Variants in ZNF521 observed in about 807,000 individuals in gnomAD.
ZNF521 encodes zinc finger protein 521.
A neutral mutation model predicts 105.5 loss-of-function variants in ZNF521; 14 were observed. The ratio of observed to expected loss-of-function variants is 0.13; its 90% CI spans 0.09 to 0.21. The LOEUF (loss-of-function observed/expected upper bound fraction) is 0.21. Among genes scored for constraint, ZNF521 ranks in the 10% least tolerant of loss-of-function variants. ZNF521 has a pLI of 1.00. For synonymous variants in ZNF521, 635 were observed against 606.0 expected (o/e 1.05, Z -0.70); for missense variants, 1,233 against 1,629.7 (o/e 0.76, Z 4.19).
At chr18:25,161,259 G>A (rs2144523347) in intron 5 of ZNF521, among the ~76,000 whole-genome samples, 1 of 152,142 alleles carries the variant, frequency 6.6e-6, no homozygotes. Context: ...ACGGTGGTTG[G>A]GGGAAGTTTT....
Position 25,224,978 on chromosome 18 carries a change from C to T in ZNF521, c.2940G>A (p.Thr980=), listed in dbSNP as rs187705938. The stretch of plus-strand genomic sequence containing the variant: ...TTCCAGTATCAAGACTCTTACTATG[C>T]GTGACTTTGTGTTCAGTAAGAGTTA... The part of the protein sequence containing the change: ...SLLTLTEHKV[T]HSKSLDTGNC... Residue 980 remains threonine (T), a synonymous_variant, in exon 4 of 8, where the codon ACG becomes ACA. Coordinates refer to ENST00000361524, the MANE Select transcript of ZNF521 (RefSeq NM_015461.3). 8.8e-4 allele frequency: 1,417 copies of T among 1,614,016 alleles called. 8 individuals carry two copies. Among genetic ancestry groups the T allele is most frequent in the East Asian group, 4.9e-4 (22 of 44,868 alleles).
At chr18:25,189,984 G>A (rs1045422471) in intron 5 of ZNF521, among the ~76,000 whole-genome samples, 1 of 152,182 alleles carries the variant, frequency 6.6e-6, no homozygotes. Flanking sequence ...GCTGAGGAGA[G>A]ATGACCTGGC....
chr18:25,234,522 CTTTT>C (rs1017038281), intron 3 of ZNF521, among the ~76,000 whole-genome samples: 1 of 151,412 alleles, frequency 6.6e-6, no homozygotes, highest in South Asian at 2.1e-4. Context: ...TTAGAAACTA[CTTTT>C]TTTTTGAAGT....
chr18:25,085,530 T>C (rs1381906784), intron 7 of ZNF521, among the ~76,000 whole-genome samples: 1 of 152,006 alleles, frequency 6.6e-6, no homozygotes, highest in Non-Finnish European at 1.5e-5. Context: ...ACATTCTGAC[T>C]GGCTTTGTAG....
Position 25,352,100 on chromosome 18 carries a change from G to C in ZNF521, c.-97C>G, listed in dbSNP as rs758778969. 1 of 483,282 alleles carries C rather than the reference G, an allele frequency of 2.1e-6. No individual in the cohort carries two copies. The highest frequency in any genetic ancestry group is 4.2e-6 in the Non-Finnish European group (1 of 239,790). The allele number at this position is 483,282 out of a possible 1,614,324, so 29.9% of individuals were successfully genotyped here. Reference sequence around the variant, plus strand: ...AAAGCCATCAGGATGGCTCCAGAGGGGGCCCCTAACCCGCAGGGACTCGCT... The same window carrying C: ...AAAGCCATCAGGATGGCTCCAGAGGCGGCCCCTAACCCGCAGGGACTCGCT... On this transcript the variant is annotated 5_prime_UTR_variant, in exon 1 of 8. Coordinates refer to ENST00000361524, the MANE Select transcript of ZNF521 (RefSeq NM_015461.3).
At chr18:25,089,299 T>C (rs541281438) in intron 7 of ZNF521, among the ~76,000 whole-genome samples, 166 bp downstream of exon 7, 3 of 152,306 alleles carry the variant, frequency 2.0e-5, no homozygotes, top group Admixed American at 6.5e-5. Context: ...CAAAATTACT[T>C]TGGTGTCTAT....
intron 3 of ZNF521, among the ~76,000 whole-genome samples, chr18:25,258,907 G>A (rs1458457026): frequency 6.6e-6 from 1 of 152,120 alleles, no homozygotes; most frequent in Non-Finnish European, 1.5e-5. Flanking sequence ...AAAAATAATA[G>A]CTATCATCTA....
chr18:25,225,122 G>A lies in ZNF521; in HGVS notation c.2796C>T (p.Cys932=), dbSNP rs1271836651. 1.2e-6 allele frequency: 2 copies of A among 1,614,136 alleles called. No homozygotes were observed. The highest frequency in any genetic ancestry group is 4.5e-5 in the East Asian group (2 of 44,878). The stretch of plus-strand genomic sequence containing the variant: ...AGAAGAAGGTTCGAGAGCACACGTT[G>A]CACTTGTAATTCCCTTTAATGAGCT... The part of the protein sequence containing the change: ...KAELIKGNYK[C]NVCSRTFFSE... The change falls in exon 4 of 8, where the codon TGC becomes TGT. Residue 932 remains cysteine, a synonymous_variant. Coordinates refer to ENST00000361524, the MANE Select transcript of ZNF521 (RefSeq NM_015461.3). The surrounding 1 kb of genome is among the most constrained non-coding windows in gnomAD (Gnocchi z 5.6).
intron 5 of ZNF521, among the ~76,000 whole-genome samples, chr18:25,169,290 T>A (rs1317602558): frequency 6.6e-6 from 1 of 152,180 alleles, no homozygotes; most frequent in African/African-American, 2.4e-5. Context: ...TTTGAATTGA[T>A]CTTCATGAGA....
chr18:25,222,877 C>T (rs1000283247), intron 4 of ZNF521, among the ~76,000 whole-genome samples: 1 of 152,040 alleles, frequency 6.6e-6, no homozygotes, highest in Non-Finnish European at 1.5e-5. Flanking sequence ...TACCCTTATT[C>T]TTAGGAGATG....
At chr18:25,234,195 G>A (rs1321072888) in intron 3 of ZNF521, among the ~76,000 whole-genome samples, 6 of 152,144 alleles carry the variant, frequency 3.9e-5, no homozygotes, top group Admixed American at 1.3e-4. Flanking sequence ...ACCTCTTGGC[G>A]TTCAATAATT....
rs141919949 is a variant in ZNF521, at chr18:25,200,929, A to C, written c.3574-5685T>G. 7.2e-5 allele frequency: 11 copies of C among 151,974 alleles called. No homozygotes were observed. The East Asian group carries it at 1.9e-3, about 27-fold the overall frequency. 9.4% of individuals were successfully genotyped at this position (151,974 alleles called of 1,614,324 possible). On this transcript the variant is annotated intron_variant, in intron 4 of 7. Transcript: ENST00000361524. ...GAGCTTCTAAACATGCTTATTTCAA[A>C]GTCTTTGTCAGACTGTTCAAAATAA...
intron 2 of ZNF521, among the ~76,000 whole-genome samples, chr18:25,338,025 A>T (rs1195482726): frequency 6.6e-6 from 1 of 152,132 alleles, no homozygotes; most frequent in Non-Finnish European, 1.5e-5. Context: ...AAAAGAAAAA[A>T]CACTCACATA....
chr18:25,149,007 C>T (rs2034997066), intron 5 of ZNF521, among the ~76,000 whole-genome samples: 1 of 150,480 alleles, frequency 6.6e-6, no homozygotes, highest in Non-Finnish European at 1.5e-5. Context: ...GAACTGTACC[C>T]ATGATGTCTT....
intron 3 of ZNF521, among the ~76,000 whole-genome samples, chr18:25,285,698 TCACA>T (rs66794523): frequency 0.012 from 1,741 of 147,074 alleles, 15 homozygotes; most frequent in Admixed American, 0.016. Flanking sequence ...TCTCTCTCTC[TCACA>T]CACACACACA....
chr18:25,311,536 A>T, intron 3 of ZNF521, among the ~76,000 whole-genome samples: 1 of 152,182 alleles, frequency 6.6e-6, no homozygotes, highest in Admixed American at 6.5e-5. Context: ...ATGACTGCAG[A>T]GGGCCTAAGA....
At chr18:25,235,364 A>C (rs891273683) in intron 3 of ZNF521, among the ~76,000 whole-genome samples, 1 of 152,208 alleles carries the variant, frequency 6.6e-6, no homozygotes, top group African/African-American at 2.4e-5. Context: ...TTTTAAATTA[A>C]CTTCTTCACT....
At chr18:25,200,749 A>G (rs913778206) in intron 4 of ZNF521, among the ~76,000 whole-genome samples, 1 of 152,134 alleles carries the variant, frequency 6.6e-6, no homozygotes, top group Non-Finnish European at 1.5e-5. Context: ...TCTAGAGTTT[A>G]TCCTATCTAG....
intron 5 of ZNF521, among the ~76,000 whole-genome samples, chr18:25,183,051 T>C (rs1176806239): frequency 6.6e-6 from 1 of 152,164 alleles, no homozygotes; most frequent in Non-Finnish European, 1.5e-5. Flanking sequence ...TATCAAATAT[T>C]ATAAGAAAAA....
Sources: allele counts gnomAD v4.1 joint callset (sites outside exome capture counted in the v4.1 genomes callset), GRCh38; gene constraint gnomAD v4.1.1; non-coding constraint Gnocchi (gnomAD v3.1); transcripts MANE v1.5; gene names NCBI Gene and HGNC (gene_info 2026-07-23, HGNC 2026-07-21).